The following PRIM2 variants were observed in gnomAD, a reference collection of about 807,000 sequenced individuals.
PRIM2 encodes the protein DNA primase subunit 2.
In PRIM2, 39 loss-of-function variants were observed where a neutral mutation model predicts 67.3. The observed-to-expected ratio is 0.58, with a 90% CI of 0.45 to 0.76. The LOEUF (loss-of-function observed/expected upper bound fraction) is 0.76. PRIM2 is among the 30% of genes least tolerant of loss of function. PRIM2 has a pLI of 0.00. For synonymous variants in PRIM2, 143 were observed against 198.7 expected (o/e 0.72, Z 2.36); for missense variants, 398 against 598.7 (o/e 0.66, Z 3.50).
chr6:57,230,006 A>G, the PRIM2 span, among the ~76,000 whole-genome samples: 1 of 152,074 alleles, frequency 6.6e-6, no homozygotes, highest in African/African-American at 2.4e-5. Context: ...TGCTTTTGAT[A>G]TTTGCTTTTG....
At chr6:57,475,078 G>A (rs1562771048) in intron 7 of PRIM2, among the ~76,000 whole-genome samples, 2 of 152,140 alleles carry the variant, frequency 1.3e-5, no homozygotes, top group Non-Finnish European at 2.9e-5. Flanking sequence ...CGTCATGAAG[G>A]GAGAGCCAGA....
chr6:57,434,270 G>A (rs1771938606), intron 7 of PRIM2, among the ~76,000 whole-genome samples: 1 of 152,028 alleles, frequency 6.6e-6, no homozygotes, highest in Admixed American at 6.6e-5. Context: ...CTACTTCATA[G>A]GGTGGTTGGG....
intron 7 of PRIM2, among the ~76,000 whole-genome samples, chr6:57,489,909 A>C (rs1581949877): frequency 6.6e-6 from 1 of 151,506 alleles, no homozygotes; most frequent in East Asian, 2.0e-4. Flanking sequence ...AATCAGGAGA[A>C]GCAAAATTGT....
intron 11 of PRIM2, among the ~76,000 whole-genome samples, chr6:57,601,604 C>G (rs1204110672): frequency 6.6e-6 from 1 of 152,068 alleles, no homozygotes; most frequent in East Asian, 1.9e-4. Flanking sequence ...CATTAATTTT[C>G]CAAAGGCTAA....
At chr6:57,428,494 G>C (rs1183430552) in intron 7 of PRIM2, among the ~76,000 whole-genome samples, 2 of 152,060 alleles carry the variant, frequency 1.3e-5, no homozygotes, top group Non-Finnish European at 2.9e-5. Context: ...CTAAAACCCC[G>C]TTTCACAAAT....
intron 8 of PRIM2, among the ~76,000 whole-genome samples, chr6:57,518,724 A>G (rs1774540435): frequency 6.6e-6 from 1 of 152,190 alleles, no homozygotes; most frequent in South Asian, 2.1e-4. Context: ...TGATAAAGAA[A>G]TGCTTTTTAT....
At chr6:57,340,982 A>G (rs1039700703) in intron 5 of PRIM2, among the ~76,000 whole-genome samples, 10 of 152,326 alleles carry the variant, frequency 6.6e-5, no homozygotes, top group Admixed American at 5.2e-4. Context: ...TCTGTTTGCC[A>G]TATTTTATTT....
At chr6:57,559,828 A>C (rs1462280179) in intron 10 of PRIM2, among the ~76,000 whole-genome samples, 3 of 152,228 alleles carry the variant, frequency 2.0e-5, no homozygotes, top group African/African-American at 7.2e-5. Flanking sequence ...TTTATTTAAA[A>C]ATACATTTTT....
the PRIM2 span, among the ~76,000 whole-genome samples, chr6:57,258,824 TC>T: frequency 6.6e-6 from 1 of 152,030 alleles, no homozygotes; most frequent in South Asian, 2.1e-4. Context: ...CTCTACCATC[TC>T]CTCCGCTCCC....
Position 57,364,775 on chromosome 6 carries a change from T to C in PRIM2, c.460-15126T>C, listed in dbSNP as rs1379285327. 2.0e-5 allele frequency among the ~76,000 whole-genome samples: 3 copies of C among 152,232 alleles called. No homozygotes were observed. The East Asian group carries it at 5.8e-4, about 29-fold the overall frequency. ...TATGAGGAGATGGCATTTACTAATG[T>C]CCTCAGAGCAAAAATGGCATTAGTT... On this transcript the variant is annotated intron_variant, in intron 5 of 13. Coordinates refer to ENST00000615550, the MANE Select transcript of PRIM2 (RefSeq NM_000947.5).
intron 8 of PRIM2, among the ~76,000 whole-genome samples, chr6:57,531,944 C>A (rs1219293127): frequency 3.3e-5 from 5 of 152,070 alleles, no homozygotes; most frequent in African/African-American, 4.8e-5. Context: ...CAATTCAGAC[C>A]TCCTATCAAC....
At chr6:57,450,717 A>T (rs1216436257) in intron 7 of PRIM2, among the ~76,000 whole-genome samples, 1 of 152,242 alleles carries the variant, frequency 6.6e-6, no homozygotes, top group South Asian at 2.1e-4. Context: ...TAAGTGATTT[A>T]TAAAGCATGT....
At chr6:57,566,868 T>TG (rs1268910877) in intron 10 of PRIM2, among the ~76,000 whole-genome samples, 2 of 152,178 alleles carry the variant, frequency 1.3e-5, no homozygotes, top group Non-Finnish European at 2.9e-5. Context: ...TTCAAATTCT[T>TG]GCTCTGCAAC....
intron 10 of PRIM2, among the ~76,000 whole-genome samples, chr6:57,597,650 A>G (rs1776389549): frequency 6.6e-6 from 1 of 152,170 alleles, no homozygotes. Context: ...AATATCCTTT[A>G]TAAATGGACA....
At chr6:57,552,384 C>T (rs1344302993) in intron 10 of PRIM2, among the ~76,000 whole-genome samples, 5 of 151,974 alleles carry the variant, frequency 3.3e-5, no homozygotes, top group Non-Finnish European at 2.9e-5. Context: ...TCCTTGCTCT[C>T]AAGTCTTTGA....
At chr6:57,264,399 A>G in the PRIM2 span, among the ~76,000 whole-genome samples, 1 of 152,070 alleles carries the variant, frequency 6.6e-6, no homozygotes, top group African/African-American at 2.4e-5. Flanking sequence ...CTCCTGATTT[A>G]TCGCACTGAT....
At chr6:57,298,553 T>C in the PRIM2 span, among the ~76,000 whole-genome samples, 1 of 151,610 alleles carries the variant, frequency 6.6e-6, no homozygotes, top group African/African-American at 2.4e-5. Context: ...GGGGCAGAAA[T>C]GAAGGGGGTT....
chr6:57,387,294 A>G (rs1770185327), intron 7 of PRIM2, among the ~76,000 whole-genome samples: 1 of 152,122 alleles, frequency 6.6e-6, no homozygotes. Flanking sequence ...ATTTTATTGA[A>G]CTGACAGATA....
chr6:57,456,286 G>T (rs1427946541), intron 7 of PRIM2, among the ~76,000 whole-genome samples: 1 of 149,348 alleles, frequency 6.7e-6, no homozygotes, highest in African/African-American at 2.5e-5. Flanking sequence ...TTCTCGAGGA[G>T]TATCTTTGTG....
Sources: gnomAD v4.1 joint callset for allele counts (sites outside exome capture counted in the v4.1 genomes callset) on GRCh38, gnomAD v4.1.1 for gene constraint, MANE v1.5 for transcripts, NCBI Gene and HGNC (gene_info 2026-07-23, HGNC 2026-07-21) for gene names.